Variants in KDM6B observed in about 807,000 individuals in gnomAD.
KDM6B encodes lysine demethylase 6B.
In KDM6B, 22 loss-of-function variants were observed where a neutral mutation model predicts 150.4. The ratio of observed to expected loss-of-function variants is 0.15; its 90% confidence interval spans 0.10 to 0.21. KDM6B has a LOEUF of 0.21. KDM6B is among the 10% of genes least tolerant of loss of function. The probability of loss-of-function intolerance (pLI) is 1.00; values close to 1 mark genes in which losing one functional copy is unlikely to be tolerated. For synonymous variants in KDM6B, 1,148 were observed against 921.1 expected (o/e 1.25, Z -4.46); for missense variants, 1,984 against 2,234.3 (o/e 0.89, Z 2.26).
chr17:7,850,218 G>A, intron 14 of KDM6B, 41 bp downstream of exon 14: 1 of 1,531,762 alleles, frequency 6.5e-7, no homozygotes. Flanking sequence ...GGGCTACAAG[G>A]GTCTGGGGCA....
intron 1 of KDM6B, among the ~76,000 whole-genome samples, chr17:7,837,140 C>T (rs1454979607): frequency 6.6e-6 from 1 of 152,190 alleles, no homozygotes; most frequent in East Asian, 1.9e-4. Flanking sequence ...AGAAGAGCTT[C>T]CCCTCCAAGG....
rs375568952 is a variant in KDM6B at position 7,847,188 on chromosome 17, G to A, written c.993G>A (p.Pro331=). The change falls in exon 11 of 24, where the codon CCG becomes CCA. Residue 331 remains proline, a synonymous_variant. Coordinates refer to ENST00000448097, the MANE Select transcript of KDM6B (RefSeq NM_001348716.2). ...TAHPPGHRLV[P]AAPPGPGPRP... The stretch of plus-strand genomic sequence containing the variant: ...ACCCCCCTGGCCACCGGCTGGTCCC[G>A]GCTGCTCCCCCAGGCCCAGGCCCCC... 59 of 1,599,194 alleles carry A rather than the reference G, an allele frequency of 3.7e-5. No homozygotes were observed. In the African/African-American group the frequency reaches 3.8e-4, roughly 10 times the overall value.
chr17:7,845,604 T>G lies in KDM6B; in HGVS notation c.50T>G (p.Phe17Cys). The G allele has an allele frequency of 1.2e-6, 2 of 1,614,178 alleles. No homozygotes were observed. Among genetic ancestry groups the G allele is most frequent in the Non-Finnish European group, 1.7e-6 (2 of 1,180,032 alleles). ...GGGGCCCGCGCTGCACGGGAAGCCT[T>G]TGCCCTTGGGGGCCTGAGCTGTGCT... ...PPGARAAREA[F>C]ALGGLSCAGA... The change falls in exon 5 of 24, where the codon TTT (phenylalanine) becomes TGT (cysteine). Residue 17 changes from phenylalanine to cysteine, a missense_variant. This residue lies in a region of KDM6B where 337 missense variants were observed against 323.9 expected (regional missense o/e 1.04). Transcript: ENST00000448097.
intron 6 of KDM6B, 34 bp from the exon 7 acceptor site, chr17:7,846,044 C>T (rs1182272085): frequency 6.1e-6 from 8 of 1,309,686 alleles, no homozygotes; most frequent in Non-Finnish European, 5.4e-6. Flanking sequence ...CAAGCCCAAC[C>T]CCCACCCACA....
In KDM6B at chr17:7,834,333, G is replaced by C. The variant is rs2078286698; in HGVS notation, c.-405G>C. Among the ~76,000 whole-genome samples the C allele has an allele frequency of 6.6e-6, 1 of 151,900 alleles. No individual in the cohort carries two copies. Among genetic ancestry groups the C allele is most frequent in the Non-Finnish European group, 1.5e-5 (1 of 67,940 alleles). On this transcript the variant is annotated 5_prime_UTR_variant, in exon 1 of 24. Coordinates refer to ENST00000448097, the MANE Select transcript of KDM6B (RefSeq NM_001348716.2). The stretch of plus-strand genomic sequence containing the variant: ...TACCTTGGGGAGCCTGAACACCTGG[G>C]ACCCCCCCCAGAACCAGGTAACGGG...
At chr17:7,850,281 A>C in intron 14 of KDM6B, 104 bp downstream of exon 14, 1 of 897,960 alleles carries the variant, frequency 1.1e-6, no homozygotes, top group Non-Finnish European at 1.7e-6. Flanking sequence ...AGTGGCCGTG[A>C]GGAGTCCACT....
At position 7,842,021 on chromosome 17, in the gene KDM6B, G is replaced by T. The variant is rs775702836; in HGVS notation, c.-269+1997G>T. 4.3e-4 allele frequency among the ~76,000 whole-genome samples: 65 copies of T among 152,352 alleles called. 1 individual carries two copies. The highest frequency in any genetic ancestry group is 1.0e-3 in the South Asian group (5 of 4,832). On this transcript the variant is annotated intron_variant, in intron 2 of 23. Coordinates refer to ENST00000448097, the MANE Select transcript of KDM6B (RefSeq NM_001348716.2). ...CCCCACCTCGGCGCGCGCGCAGCAT[G>T]CCCGCTGATTGCCGGCTAGGTAAAA...
chr17:7,851,026 G>A lies in KDM6B; in HGVS notation c.3679G>A (p.Gly1227Ser). Residue 1227 changes from glycine (G) to serine (S), a missense_variant, in exon 15 of 24, where the codon GGC becomes AGC. By Grantham distance (56) the Gly-to-Ser change is moderately conservative (BLOSUM62 0). Coordinates refer to ENST00000448097, the MANE Select transcript of KDM6B (RefSeq NM_001348716.2). ...TGCTCGGCCCTCCCTTCCAGACTTG[G>A]GCCTCTTCTCCACCAAGACCCTGGT... ...GLAGSLRLNL[G>S]LFSTKTLVEA... 1 of 1,604,602 alleles carries A rather than the reference G, an allele frequency of 6.2e-7. No individual in the cohort carries two copies. The highest frequency in any genetic ancestry group is 8.5e-7 in the Non-Finnish European group (1 of 1,176,118).
rs1457524824 is a variant in KDM6B, at chr17:7,834,221, G to T, written c.-517G>T. ...CTGGGGAGCGGGGGTGCGGGTGTTT[G>T]TGTTGGAAAATCCAACTGCGCCACT... On this transcript the variant is annotated 5_prime_UTR_variant, in exon 1 of 24. Transcript: ENST00000448097. Among the ~76,000 whole-genome samples the T allele has an allele frequency of 6.6e-6, 1 of 151,814 alleles. No individual in the cohort carries two copies. The highest frequency in any genetic ancestry group is 2.1e-4 in the South Asian group (1 of 4,826).
Position 7,852,065 on chromosome 17 carries a change from G to T in KDM6B, c.4280G>T (p.Arg1427Leu). 2 of 1,613,878 alleles carry T rather than the reference G, an allele frequency of 1.2e-6. No homozygotes were observed. The highest frequency in any genetic ancestry group is 1.7e-6 in the Non-Finnish European group (2 of 1,179,922). Residue 1427 changes from arginine (R) to leucine (L), a missense_variant and splice_region_variant, in exon 19 of 24, where the codon CGG becomes CTG. By Grantham distance (102) the Arg-to-Leu change is moderately radical (BLOSUM62 -2). Around this residue, in one of 13 missense-constraint regions of KDM6B, gnomAD observed 19 missense variants for 21.1 expected, o/e 0.90. Coordinates refer to ENST00000448097, the MANE Select transcript of KDM6B (RefSeq NM_001348716.2). ...YWETISAFCD[R>L]HGVDYLTGSW... is the part of the protein sequence containing the mutation. ...GAGACCATCAGCGCTTTCTGTGATCGGTGCGTGCCGTCCTGCGCAAGTCAG... is the reference window on the plus strand; with the variant it reads ...GAGACCATCAGCGCTTTCTGTGATCTGTGCGTGCCGTCCTGCGCAAGTCAG...
In KDM6B at chr17:7,851,803, T is replaced by C. The variant is rs752816241; in HGVS notation, c.4165+7T>C. The C allele has an allele frequency of 3.9e-6, 6 of 1,555,580 alleles. No homozygotes were observed. The highest frequency in any genetic ancestry group is 5.2e-6 in the Non-Finnish European group (6 of 1,149,916). ...CCCGGCAGCCGAACGCCAGGTGCGC[T>C]CCACGCCTGTGCGCGCTGATGCTGG... On this transcript the variant is annotated splice_region_variant and intron_variant, in intron 18 of 23. Coordinates refer to ENST00000448097, the MANE Select transcript of KDM6B (RefSeq NM_001348716.2).
At chr17:7,837,926 G>A (rs1172333680) in intron 1 of KDM6B, among the ~76,000 whole-genome samples, 2 of 151,978 alleles carry the variant, frequency 1.3e-5, no homozygotes, top group Admixed American at 1.3e-4. Context: ...TTAGGGGGCT[G>A]GGGATTAGCT....
Position 7,854,198 on chromosome 17 carries a change from C to T in KDM6B, c.*677C>T, listed in dbSNP as rs906885927. On this transcript the variant is annotated 3_prime_UTR_variant, in exon 24 of 24. Transcript: ENST00000448097. The stretch of plus-strand genomic sequence containing the variant: ...CCCGTCGCCGGGCTCTCCCCGCGCC[C>T]CAGTGTGTGTCCGGGCCCGGCCCGA... The T allele has an allele frequency of 2.0e-5, 3 of 152,582 alleles. No individual in the cohort carries two copies. The highest frequency in any genetic ancestry group is 7.2e-5 in the African/African-American group (3 of 41,426). 9.5% of individuals were successfully genotyped at this position (152,582 alleles called of 1,614,324 possible). A position where few individuals can be genotyped will look rare whatever the true frequency, so the allele number is the denominator to read the frequency against.
At position 7,846,636 on chromosome 17, in the gene KDM6B, C is replaced by A. The variant is rs60738318; in HGVS notation, c.607C>A (p.Pro203Thr). Residue 203 changes from proline (P) to threonine (T), a missense_variant, in exon 9 of 24, where the codon CCC (proline) becomes ACC (threonine). This residue lies in a region of KDM6B where 337 missense variants were observed against 323.9 expected (regional missense o/e 1.04). Coordinates refer to ENST00000448097, the MANE Select transcript of KDM6B (RefSeq NM_001348716.2). ...GGPPVKRAAE[P>T]PVVQPVPPAA... ...TCCCCCGGTGAAGCGAGCTGCTGAA[C>A]CCCCAGTGGTGCAGCCTGTGCCTCC... is the stretch of plus-strand genomic sequence containing the variant. The A allele has an allele frequency of 1.2e-6, 2 of 1,613,930 alleles. No individual in the cohort carries two copies. Among genetic ancestry groups the A allele is most frequent in the African/African-American group, 2.7e-5 (2 of 74,854 alleles).
chr17:7,849,334 C>T lies in KDM6B; in HGVS notation c.3046C>T (p.Arg1016Trp), dbSNP rs561619300. The T allele has an allele frequency of 2.5e-6, 4 of 1,578,576 alleles. No individual in the cohort carries two copies. Among genetic ancestry groups the T allele is most frequent in the African/African-American group, 1.4e-5 (1 of 74,010 alleles). Residue 1016 changes from arginine (R) to tryptophan (W), a missense_variant, in exon 12 of 24, where the codon CGG (arginine) becomes TGG (tryptophan). Arg to Trp is a moderately radical substitution (Grantham distance 101). Transcript: ENST00000448097. ...KAKVPKEKSR[R>W]VLGNLDLQSE... The stretch of plus-strand genomic sequence containing the variant: ...CAAGGTCCCCAAAGAAAAGAGCCGC[C>T]GGGTGCTGGGGAACCTGGACCTGCA...
chr17:7,846,603 C>A lies in KDM6B; in HGVS notation c.574C>A (p.Arg192=), dbSNP rs755801518. The part of the protein sequence containing the change: ...LEHKRNYGAK[R]GGPPVKRAAE... The stretch of plus-strand genomic sequence containing the variant: ...GCACAAACGGAACTATGGAGCCAAG[C>A]GGGGAGGTCCCCCGGTGAAGCGAGC... Residue 192 remains arginine (R), a synonymous_variant, in exon 9 of 24, where the codon CGG becomes AGG. Transcript: ENST00000448097. 6.2e-7 allele frequency: 1 copy of A among 1,614,074 alleles called. No individual in the cohort carries two copies. Among genetic ancestry groups the A allele is most frequent in the South Asian group, 1.1e-5 (1 of 91,086 alleles).
intron 2 of KDM6B, chr17:7,840,397 G>T (rs2151370244): frequency 6.6e-6 from 1 of 152,302 alleles, no homozygotes; most frequent in Middle Eastern, 3.4e-3. Context: ...GTCCCTATAG[G>T]AGTTGTTGAA....
Position 7,849,288 on chromosome 17 carries a change from G to A in KDM6B, c.3000G>A (p.Glu1000=), listed in dbSNP as rs771066549. The A allele has an allele frequency of 3.2e-6, 5 of 1,556,288 alleles. No homozygotes were observed. In the Admixed American group the frequency reaches 9.7e-5, roughly 30 times the overall value. Reference sequence around the variant, plus strand: ...ACAGTGTGGGTCGTCGGCCCCGTGAGGGCAGGGCAAAGGCCAAGGCCAAGG... The same window carrying A: ...ACAGTGTGGGTCGTCGGCCCCGTGAAGGCAGGGCAAAGGCCAAGGCCAAGG... ...CKDSVGRRPR[E]GRAKAKAKVP... The change falls in exon 12 of 24, where the codon GAG becomes GAA. Residue 1000 remains glutamate (E), a synonymous_variant. Transcript: ENST00000448097.
In KDM6B at chr17:7,845,451, G is replaced by A; in HGVS notation, c.-11G>A. 2 of 1,458,382 alleles carry A rather than the reference G, an allele frequency of 1.4e-6. No individual in the cohort carries two copies. The highest frequency in any genetic ancestry group is 9.6e-7 in the Non-Finnish European group (1 of 1,040,168). The allele number at this position is 1,458,382 out of a possible 1,614,324, so 90.3% of individuals were successfully genotyped here. On this transcript the variant is annotated 5_prime_UTR_variant, in exon 4 of 24. Coordinates refer to ENST00000448097, the MANE Select transcript of KDM6B (RefSeq NM_001348716.2). The stretch of plus-strand genomic sequence containing the variant: ...CTCCAGGGCTCCTGGGGCCACTGCT[G>A]ACCTGGTAAGGGAAACTCTGGGGCC...
Sources: gnomAD v4.1 joint callset for allele counts (sites outside exome capture counted in the v4.1 genomes callset) on GRCh38, gnomAD v4.1.1 for gene constraint, gnomAD v4.1.1 regional missense constraint, MANE v1.5 for transcripts, NCBI Gene and HGNC (gene_info 2026-07-23, HGNC 2026-07-21) for gene names.